Variants in PNPLA2 observed in about 807,000 individuals in gnomAD.
PNPLA2 encodes patatin-like phospholipase domain-containing protein 2.
PNPLA2 carries 28 observed loss-of-function variants against 39.7 expected under a neutral mutation model. The observed-to-expected ratio is 0.70, with a 90% CI of 0.52 to 0.97. The LOEUF is 0.97. Ranked by LOEUF, PNPLA2 falls within the 50% of genes least tolerant of loss-of-function variation. The probability of loss-of-function intolerance (pLI) is 0.00; values close to 1 mark genes in which losing one functional copy is unlikely to be tolerated. For missense variants in PNPLA2, 768 were observed against 698.2 expected, an observed-to-expected ratio of 1.10 and a Z score of -1.13; for synonymous variants, 392 against 321.1, an observed-to-expected ratio of 1.22 and a Z score of -2.36.
Position 822,575 on chromosome 11 carries a change from T to G in PNPLA2, c.665T>G (p.Leu222Arg). ...IQFNLRNLYR[L>R]SKALFPPEPL... ...TTCAACCTGCGCAACCTCTACCGCC[T>G]CTCCAAGGCCCTCTTCCCGCCGGAG... Residue 222 changes from leucine to arginine, a missense_variant, in exon 5 of 10, where the codon CTC becomes CGC. Coordinates refer to ENST00000336615, the MANE Select transcript of PNPLA2 (RefSeq NM_020376.4). 6.2e-7 allele frequency: 1 copy of G among 1,613,812 alleles called. No individual in the cohort carries two copies. Among genetic ancestry groups the G allele is most frequent in the Non-Finnish European group, 8.5e-7 (1 of 1,179,970 alleles).
rs1449869256 is a variant in PNPLA2, at chr11:819,835, C to T, written c.117C>T (p.Asn39=). 2.0e-6 allele frequency: 3 copies of T among 1,487,982 alleles called. No homozygotes were observed. The highest frequency in any genetic ancestry group is 4.5e-5 in the Admixed American group (2 of 44,048). 92.2% of individuals were successfully genotyped at this position (1,487,982 alleles called of 1,614,324 possible). The change falls in exon 2 of 10, where the codon AAC becomes AAT. Residue 39 remains asparagine (N), a synonymous_variant. Coordinates refer to ENST00000336615, the MANE Select transcript of PNPLA2 (RefSeq NM_020376.4). ...AGCACGCGCCCTTCCTGGTGGCCAA[C>T]GCCACGCACATCTACGGCGCCTCGG... is the stretch of plus-strand genomic sequence containing the variant. ...LREHAPFLVA[N]ATHIYGASAG...
chr11:820,265 G>C (rs1845625241), intron 2 of PNPLA2, among the ~76,000 whole-genome samples: 1 of 152,250 alleles, frequency 6.6e-6, no homozygotes, highest in Admixed American at 6.5e-5. Context: ...ACCGGTGCCA[G>C]CGATCGGTCA....
chr11:821,331 T>G, intron 2 of PNPLA2: 1 of 507,612 alleles, frequency 2.0e-6, no homozygotes, highest in East Asian at 3.6e-5. Context: ...CCGGTCAGAG[T>G]TGAGTTTCTG....
Position 824,810 on chromosome 11 carries a change from T to C in PNPLA2, c.1463T>C (p.Leu488Pro). The change falls in exon 10 of 10, where the codon CTG (leucine) becomes CCG (proline). Residue 488 changes from leucine (L) to proline (P), a missense_variant. Physicochemically the swap from Leu to Pro is moderately conservative, Grantham distance 98. Coordinates refer to ENST00000336615, the MANE Select transcript of PNPLA2 (RefSeq NM_020376.4). Reference sequence around the variant, plus strand: ...CAGCTGGCCGGGCCTGCCCCCTTGCTGAGCACCCCTGCTCCCGAGGCCCGG... The same window carrying C: ...CAGCTGGCCGGGCCTGCCCCCTTGCCGAGCACCCCTGCTCCCGAGGCCCGG... ...QHQLAGPAPLLSTPAPEARPV... is the reference protein window; with the variant it reads ...QHQLAGPAPLPSTPAPEARPV... 6.5e-7 allele frequency: 1 copy of C among 1,534,284 alleles called. No individual in the cohort carries two copies. The highest frequency in any genetic ancestry group is 8.7e-7 in the Non-Finnish European group (1 of 1,145,990).
At chr11:821,072 C>T (rs147086499) in intron 2 of PNPLA2, 158 of 182,154 alleles carry the variant, frequency 8.7e-4, no homozygotes, top group Non-Finnish European at 1.4e-3. Flanking sequence ...GCTCCTCCCT[C>T]AGTGCTCCCG....
rs1025183466 is a variant in PNPLA2 at position 825,095 on chromosome 11, G to A, written c.*233G>A. ...CCTGTGCTGCCCGAGCACCTCCCCC[G>A]CCCCTTTACTCCTGAGAACTTTGCA... On this transcript the variant is annotated 3_prime_UTR_variant, in exon 10 of 10. Coordinates refer to ENST00000336615, the MANE Select transcript of PNPLA2 (RefSeq NM_020376.4). The A allele has an allele frequency of 8.7e-5, 49 of 561,436 alleles. 1 individual carries two copies. In the South Asian group the frequency reaches 8.8e-4, roughly 10 times the overall value. 34.8% of individuals were successfully genotyped at this position (561,436 alleles called of 1,614,324 possible).
Position 824,596 on chromosome 11 carries a change from G to A in PNPLA2, c.1249G>A (p.Glu417Lys), listed in dbSNP as rs1257675331. ...SVPLSCAAYR[E>K]ALPGWMRNNL... ...GCCGCTGTCCTGCGCCGCCTACAGA[G>A]AGGCACTGCCCGGCTGGATGCGCAA... The change falls in exon 10 of 10, where the codon GAG becomes AAG. Residue 417 changes from glutamate (E) to lysine (K), a missense_variant. Glu to Lys is a moderately conservative substitution (Grantham distance 56). Transcript: ENST00000336615. The A allele has an allele frequency of 6.3e-7, 1 of 1,588,828 alleles. No individual in the cohort carries two copies.
chr11:822,232 C>A, intron 4 of PNPLA2, 165 bp from the exon 5 acceptor site: 1 of 783,034 alleles, frequency 1.3e-6, no homozygotes, highest in Non-Finnish European at 2.2e-6. Flanking sequence ...CGTCTACCAT[C>A]TGCTCAGTGC....
rs555166503 is a variant in PNPLA2, at chr11:823,734, C to A, written c.798C>A (p.Pro266=). Residue 266 remains proline, a synonymous_variant, in exon 7 of 10, where the codon CCC becomes CCA. Transcript: ENST00000336615. ...CCAACCCCTTGCTGGCGTTGCCCCCCGCCCGCCCCCACGGCCCAGAGGACA... is the reference window on the plus strand; with the variant it reads ...CCAACCCCTTGCTGGCGTTGCCCCCAGCCCGCCCCCACGGCCCAGAGGACA... ...NRPNPLLALP[P]ARPHGPEDKD... is the part of the protein sequence containing the mutation. 2 of 1,606,500 alleles carry A rather than the reference C, an allele frequency of 1.2e-6. No individual in the cohort carries two copies. The highest frequency in any genetic ancestry group is 2.2e-5 in the South Asian group (2 of 90,268).
Position 824,906 on chromosome 11 carries a change from A to G in PNPLA2, c.*44A>G, listed in dbSNP as rs1565092270. 7.0e-7 allele frequency: 1 copy of G among 1,435,462 alleles called. No individual in the cohort carries two copies. Among genetic ancestry groups the G allele is most frequent in the Admixed American group, 2.0e-5 (1 of 50,808 alleles). The allele number at this position is 1,435,462 out of a possible 1,614,324, so 88.9% of individuals were successfully genotyped here. A position where few individuals can be genotyped will look rare whatever the true frequency, so the allele number is the denominator to read the frequency against. On this transcript the variant is annotated 3_prime_UTR_variant, in exon 10 of 10. Coordinates refer to ENST00000336615, the MANE Select transcript of PNPLA2 (RefSeq NM_020376.4). ...GAACCCTGCCTGAGACGCCTCCATTACCACTGCGCAGTGAGATGAGGGGAC... is the reference window on the plus strand; with the variant it reads ...GAACCCTGCCTGAGACGCCTCCATTGCCACTGCGCAGTGAGATGAGGGGAC...
chr11:822,134 T>TA, intron 4 of PNPLA2, 111 bp downstream of exon 4: 1 of 987,262 alleles, frequency 1.0e-6, no homozygotes, highest in Non-Finnish European at 1.6e-6. Flanking sequence ...CACCGCCTGT[T>TA]ACCCACTTCC....
intron 2 of PNPLA2, among the ~76,000 whole-genome samples, chr11:820,147 G>A (rs1338360625): frequency 2.6e-5 from 4 of 152,242 alleles, no homozygotes; most frequent in African/African-American, 7.2e-5. Flanking sequence ...GTTTGGGGGC[G>A]GGCAGGTGCA....
rs1845844260 is a variant in PNPLA2 at position 825,035 on chromosome 11, G to A, written c.*173G>A. The A allele has an allele frequency of 1.5e-6, 1 of 666,390 alleles. No homozygotes were observed. The highest frequency in any genetic ancestry group is 2.7e-6 in the Non-Finnish European group (1 of 371,658). The allele number at this position is 666,390 out of a possible 1,614,324, so 41.3% of individuals were successfully genotyped here. A position where few individuals can be genotyped will look rare whatever the true frequency, so the allele number is the denominator to read the frequency against. ...TTCCACACCCCTCCCCTGGGCCGCT[G>A]AGGCCCCGCGCACCTGTGCCTTAAT... is the stretch of plus-strand genomic sequence containing the variant. On this transcript the variant is annotated 3_prime_UTR_variant, in exon 10 of 10. Transcript: ENST00000336615.
At chr11:823,214 C>T (rs1049998406) in intron 5 of PNPLA2, among the ~76,000 whole-genome samples, 49 of 152,076 alleles carry the variant, frequency 3.2e-4, no homozygotes, top group Middle Eastern at 3.4e-3. Context: ...CCCACCACCA[C>T]GCCTGGCTAA....
rs1845838584 is a variant in PNPLA2 at position 824,913 on chromosome 11, C to T, written c.*51C>T. The T allele has an allele frequency of 2.9e-6, 4 of 1,401,580 alleles. No homozygotes were observed. Among genetic ancestry groups the T allele is most frequent in the Non-Finnish European group, 3.9e-6 (4 of 1,024,468 alleles). 86.8% of individuals were successfully genotyped at this position (1,401,580 alleles called of 1,614,324 possible). A position where few individuals can be genotyped will look rare whatever the true frequency, so the allele number is the denominator to read the frequency against. ...GCCTGAGACGCCTCCATTACCACTG[C>T]GCAGTGAGATGAGGGGACTCACAGT... On this transcript the variant is annotated 3_prime_UTR_variant, in exon 10 of 10. Transcript: ENST00000336615.
Position 823,544 on chromosome 11 carries a change from C to G in PNPLA2, c.714C>G (p.Cys238Trp). ...CACTGCAGGTGCTGCGAGAGATGTG[C>G]AAGCAGGGATACCGGGATGGCCTGC... ...PPEPLVLREMCKQGYRDGLRF... is the reference protein window; with the variant it reads ...PPEPLVLREMWKQGYRDGLRF... Residue 238 changes from cysteine to tryptophan, a missense_variant, in exon 6 of 10, where the codon TGC becomes TGG. Coordinates refer to ENST00000336615, the MANE Select transcript of PNPLA2 (RefSeq NM_020376.4). 6.2e-7 allele frequency: 1 copy of G among 1,610,608 alleles called. No individual in the cohort carries two copies. The highest frequency in any genetic ancestry group is 8.5e-7 in the Non-Finnish European group (1 of 1,178,884).
intron 1 of PNPLA2, 105 bp from the exon 2 acceptor site, chr11:819,469 A>C: frequency 8.3e-7 from 1 of 1,199,032 alleles, no homozygotes. Context: ...GCGGGTCCCG[A>C]GGGCACGGCC....
In PNPLA2 at chr11:824,904, T is replaced by G. The variant is rs1317777505; in HGVS notation, c.*42T>G. 6.9e-7 allele frequency: 1 copy of G among 1,443,174 alleles called. No individual in the cohort carries two copies. Among genetic ancestry groups the G allele is most frequent in the Admixed American group, 2.0e-5 (1 of 50,838 alleles). 89.4% of individuals were successfully genotyped at this position (1,443,174 alleles called of 1,614,324 possible). A position where few individuals can be genotyped will look rare whatever the true frequency, so the allele number is the denominator to read the frequency against. On this transcript the variant is annotated 3_prime_UTR_variant, in exon 10 of 10. Coordinates refer to ENST00000336615, the MANE Select transcript of PNPLA2 (RefSeq NM_020376.4). ...AGGAACCCTGCCTGAGACGCCTCCATTACCACTGCGCAGTGAGATGAGGGG... is the reference window on the plus strand; with the variant it reads ...AGGAACCCTGCCTGAGACGCCTCCAGTACCACTGCGCAGTGAGATGAGGGG...
At chr11:824,228 T>C (rs1845785808) in intron 8 of PNPLA2, 86 bp from the exon 9 acceptor site, 2 of 1,547,878 alleles carry the variant, frequency 1.3e-6, no homozygotes, top group African/African-American at 2.7e-5. Context: ...GGGTGAGCAG[T>C]GCCAAGTCAG....
Sources: allele counts gnomAD v4.1 joint callset (sites outside exome capture counted in the v4.1 genomes callset), GRCh38; gene constraint gnomAD v4.1.1; transcripts MANE v1.5; gene names NCBI Gene and HGNC (gene_info 2026-07-23, HGNC 2026-07-21).